The following TTC34 variants were observed in gnomAD, a reference collection of about 807,000 sequenced individuals.
TTC34 encodes the protein tetratricopeptide repeat domain 34, also known as tetratricopeptide repeat protein 34.
In TTC34, 44 loss-of-function variants were observed where a neutral mutation model predicts 40.7. The ratio of observed to expected loss-of-function variants is 1.08; its 90% confidence interval spans 0.85 to 1.39. The LOEUF (loss-of-function observed/expected upper bound fraction) is 1.39. Ranked by LOEUF, TTC34 falls within the 40% of genes most tolerant of loss-of-function variation. The pLI is 0.00. For synonymous variants in TTC34, 422 were observed against 398.6 expected (o/e 1.06, Z -0.70); for missense variants, 884 against 838.0 (o/e 1.05, Z -0.68).
chr1:2,686,154 C>G (rs1387357462), intron 6 of TTC34, among the ~76,000 whole-genome samples: 10 of 134,914 alleles, frequency 7.4e-5, no homozygotes, highest in African/African-American at 2.5e-4. Flanking sequence ...TGGAGCAGCA[C>G]GCATAACCAC....
intron 6 of TTC34, among the ~76,000 whole-genome samples, chr1:2,752,175 G>A (rs1406818023): frequency 8.8e-6 from 1 of 113,280 alleles, no homozygotes; most frequent in Non-Finnish European, 1.7e-5. Flanking sequence ...CACACCAACA[G>A]GTGAGCATCT....
intron 6 of TTC34, among the ~76,000 whole-genome samples, chr1:2,675,031 G>T (rs1341998073): frequency 7.5e-6 from 1 of 132,944 alleles, no homozygotes; most frequent in African/African-American, 2.7e-5. Context: ...GTCTGGAGCA[G>T]CACCCACAAC....
At chr1:2,795,235 C>A (rs768489859) in intron 2 of TTC34, among the ~76,000 whole-genome samples, 1 of 152,182 alleles carries the variant, frequency 6.6e-6, no homozygotes, top group African/African-American at 2.4e-5. Flanking sequence ...GGAGACAGAG[C>A]AAGACCCTGT....
intron 6 of TTC34, among the ~76,000 whole-genome samples, chr1:2,755,768 G>T (rs1212439594): frequency 4.6e-5 from 4 of 87,344 alleles, no homozygotes; most frequent in South Asian, 3.8e-4. Flanking sequence ...CTGACAGCCT[G>T]GAACGGCACC....
chr1:2,651,997 T>G, intron 6 of TTC34, among the ~76,000 whole-genome samples: 1 of 128,324 alleles, frequency 7.8e-6, no homozygotes, highest in East Asian at 2.4e-4. Context: ...TGGAGCAGCA[T>G]CCATACCCCA....
intron 6 of TTC34, among the ~76,000 whole-genome samples, chr1:2,750,349 G>A (rs1382841997): frequency 1.3e-5 from 1 of 74,132 alleles, no homozygotes; most frequent in Non-Finnish European, 2.5e-5. Context: ...TGACAGCCTT[G>A]AACAGCACCC....
chr1:2,756,299 T>A (rs1197700494), intron 6 of TTC34, among the ~76,000 whole-genome samples: 105 of 4,306 alleles, frequency 0.024, no homozygotes, highest in East Asian at 0.033. Context: ...CTGAAACAGC[T>A]CCCACACCCC....
At chr1:2,641,359 C>G (rs1201501567) in exon 9 of TTC34, 1 of 1,490,456 alleles carries the variant, frequency 6.7e-7, no homozygotes, top group East Asian at 2.5e-5. Context: ...GGGAGAGGGT[C>G]AGGCCCAGTC....
At chr1:2,687,961 G>A (rs571524068) in intron 6 of TTC34, among the ~76,000 whole-genome samples, 42 of 35,188 alleles carry the variant, frequency 1.2e-3, no homozygotes, top group African/African-American at 3.6e-3. Context: ...GGAACAGCAC[G>A]CGCACCCCCA....
At chr1:2,752,758 G>A (rs1250127386) in intron 6 of TTC34, among the ~76,000 whole-genome samples, 6 of 122,382 alleles carry the variant, frequency 4.9e-5, no homozygotes, top group African/African-American at 1.1e-4. Context: ...CTGACAGCGT[G>A]GAACAGCACC....
At position 2,645,217 on chromosome 1, in the gene TTC34, G is replaced by C. The variant is rs1479992832; in HGVS notation, c.2497+76C>G. 7.2e-7 allele frequency: 1 copy of C among 1,393,654 alleles called. No homozygotes were observed. The highest frequency in any genetic ancestry group is 9.3e-7 in the Non-Finnish European group (1 of 1,072,704). 86.3% of individuals were successfully genotyped at this position (1,393,654 alleles called of 1,614,324 possible). A position where few individuals can be genotyped will look rare whatever the true frequency, so the allele number is the denominator to read the frequency against. The stretch of plus-strand genomic sequence containing the variant: ...CGGGTCTCTTTCTTCCATTTTTACA[G>C]AACAGGATACAGAGGTCAGAGGAGC... On this transcript the variant is annotated intron_variant, in intron 7 of 8. Coordinates refer to ENST00000401095, the Ensembl canonical transcript of TTC34. This position sits in a 1 kb window ranked among gnomAD's most constrained non-coding sequence, Gnocchi z 4.7.
intron 6 of TTC34, among the ~76,000 whole-genome samples, chr1:2,749,005 C>T (rs1641232726): frequency 6.8e-6 from 1 of 147,620 alleles, no homozygotes. Context: ...CCCACACGCC[C>T]AGGTGAGCAT....
At chr1:2,650,212 A>G (rs1395556819) in intron 6 of TTC34, among the ~76,000 whole-genome samples, 1 of 125,106 alleles carries the variant, frequency 8.0e-6, no homozygotes, top group African/African-American at 3.0e-5. Context: ...ATGGCACTCT[A>G]CACCCTCAGG....
At position 2,645,199 on chromosome 1, in the gene TTC34, C is replaced by G. The variant is rs912110167; in HGVS notation, c.2497+94G>C. ...TTGGAAGCTGTTGTGGTCCGGGTCTCTTTCTTCCATTTTTACAGAACAGGA... is the reference window on the plus strand; with the variant it reads ...TTGGAAGCTGTTGTGGTCCGGGTCTGTTTCTTCCATTTTTACAGAACAGGA... On this transcript the variant is annotated intron_variant, in intron 7 of 8. Coordinates refer to ENST00000401095, the Ensembl canonical transcript of TTC34. The surrounding 1 kb of genome is among the most constrained non-coding windows in gnomAD (Gnocchi z 4.7). The G allele has an allele frequency of 7.4e-7, 1 of 1,344,574 alleles. No individual in the cohort carries two copies. The highest frequency in any genetic ancestry group is 9.6e-7 in the Non-Finnish European group (1 of 1,042,994). The allele number at this position is 1,344,574 out of a possible 1,614,324, so 83.3% of individuals were successfully genotyped here.
intron 6 of TTC34, among the ~76,000 whole-genome samples, chr1:2,656,340 A>G (rs1373658532): frequency 6.7e-6 from 1 of 149,550 alleles, no homozygotes; most frequent in Non-Finnish European, 1.5e-5. Context: ...TCACACCCCC[A>G]GGTGAGCATC....
chr1:2,650,989 C>A (rs1206439652), intron 6 of TTC34, among the ~76,000 whole-genome samples: 1 of 151,420 alleles, frequency 6.6e-6, no homozygotes, highest in Non-Finnish European at 1.5e-5. Context: ...ACCCCAAACC[C>A]CCAATAAGCA....
At chr1:2,688,136 G>A (rs1223754848) in intron 6 of TTC34, among the ~76,000 whole-genome samples, 2 of 146,272 alleles carry the variant, frequency 1.4e-5, no homozygotes, top group South Asian at 4.3e-4. Flanking sequence ...ACCCCCAGGC[G>A]AGCATCTGAC....
chr1:2,797,100 C>T lies in TTC34; in HGVS notation c.784+2944G>A, dbSNP rs372028347. On this transcript the variant is annotated intron_variant, in intron 2 of 8. Transcript: ENST00000401095. ...CTCCCCAGAAGCACAGTATGGAGGG[C>T]GGTTAGGAGCACCCCAGGGGCCAGG... Among the ~76,000 whole-genome samples the T allele has an allele frequency of 3.7e-4, 57 of 152,262 alleles. No individual in the cohort carries two copies. In the South Asian group the frequency reaches 9.9e-3, roughly 27 times the overall value.
intron 6 of TTC34, among the ~76,000 whole-genome samples, chr1:2,698,593 GAACAGCACCCACACTCCCAGA>G (rs1640977412): frequency 2.1e-5 from 2 of 95,192 alleles, no homozygotes; most frequent in Non-Finnish European, 4.4e-5. Context: ...TGACAGCCTG[GAACAGCACCCACACTCCCAGA>G]CGAGCATCGG....
Sources: gnomAD v4.1 joint callset for allele counts (sites outside exome capture counted in the v4.1 genomes callset) on GRCh38, gnomAD v4.1.1 for gene constraint, Gnocchi (gnomAD v3.1) non-coding constraint, MANE v1.5 for transcripts, NCBI Gene and HGNC (gene_info 2026-07-23, HGNC 2026-07-21) for gene names.